UTP20: variants seen among roughly 807,000 people sequenced by gnomAD.
The protein encoded by UTP20 is small subunit processome component 20 homolog.
A neutral mutation model predicts 329.5 loss-of-function variants in UTP20; 164 were observed. That is an observed-to-expected ratio of 0.50 (90% CI 0.44 to 0.57). The LOEUF (loss-of-function observed/expected upper bound fraction) is 0.57. Ranked by LOEUF, UTP20 falls within the 20% of genes least tolerant of loss-of-function variation. The pLI, the probability that UTP20 is intolerant of heterozygous loss-of-function variation, is 0.00. For missense variants in UTP20, 3,055 were observed against 3,284.2 expected, an observed-to-expected ratio of 0.93 and a Z score of 1.71; for synonymous variants, 1,151 against 1,159.3, an observed-to-expected ratio of 0.99 and a Z score of 0.14.
In UTP20 at chr12:101,286,527, C is replaced by A; in HGVS notation, c.515+18C>A. ...ATATACAGGTAACCCCTTTCTCTCT[C>A]TAGTATGTTTTTTAATTGCCTGCTT... On this transcript the variant is annotated intron_variant, in intron 5 of 61. Transcript: ENST00000261637. 6.6e-7 allele frequency: 1 copy of A among 1,514,134 alleles called. No individual in the cohort carries two copies. Among genetic ancestry groups the A allele is most frequent in the Non-Finnish European group, 8.9e-7 (1 of 1,127,434 alleles). The allele number at this position is 1,514,134 out of a possible 1,614,324, so 93.8% of individuals were successfully genotyped here. A position where few individuals can be genotyped will look rare whatever the true frequency, so the allele number is the denominator to read the frequency against.
intron 58 of UTP20, among the ~76,000 whole-genome samples, chr12:101,381,550 G>C (rs1302236569): frequency 6.6e-6 from 1 of 151,796 alleles, no homozygotes; most frequent in Non-Finnish European, 1.5e-5. Flanking sequence ...ATAAAGAAGG[G>C]GCCTATTCTA....
chr12:101,379,607 C>A, intron 57 of UTP20, 49 bp downstream of exon 57: 2 of 1,548,712 alleles, frequency 1.3e-6, no homozygotes, highest in South Asian at 2.4e-5. Flanking sequence ...GTAAGATGTT[C>A]CTTCTGGTTC....
At position 101,334,336 on chromosome 12, in the gene UTP20, G is replaced by C; in HGVS notation, c.3562-89G>C. ...CTGTCCCTTGTCTTTTTCATCCTGT[G>C]CTGTGATTTCTGTACTTGTTAGTTA... On this transcript the variant is annotated intron_variant, in intron 28 of 61. Coordinates refer to ENST00000261637, the MANE Select transcript of UTP20 (RefSeq NM_014503.3). 3 of 1,082,496 alleles carry C rather than the reference G, an allele frequency of 2.8e-6. No homozygotes were observed. The African/African-American group carries it at 4.7e-5, about 17-fold the overall frequency. 67.1% of individuals were successfully genotyped at this position (1,082,496 alleles called of 1,614,324 possible).
chr12:101,306,204 G>A (rs1872638337), intron 16 of UTP20, 139 bp downstream of exon 16: 1 of 1,146,152 alleles, frequency 8.7e-7, no homozygotes, highest in East Asian at 2.7e-5. Context: ...CTTAAATGTT[G>A]GCCTGCAAAC....
intron 21 of UTP20, among the ~76,000 whole-genome samples, chr12:101,314,255 G>A (rs1209981139): frequency 2.6e-5 from 4 of 152,212 alleles, no homozygotes; most frequent in East Asian, 1.9e-4. Flanking sequence ...AGTCCATCAG[G>A]TGAGGAATAA....
At chr12:101,300,548 A>G (rs942009590) in intron 14 of UTP20, among the ~76,000 whole-genome samples, 4 of 152,242 alleles carry the variant, frequency 2.6e-5, no homozygotes, top group Admixed American at 6.5e-5. Context: ...GCTCAGGCAC[A>G]ACACCTCTAG....
At chr12:101,363,516 C>T (rs1869993613) in intron 44 of UTP20, 60 bp from the exon 45 acceptor site, 2 of 1,484,450 alleles carry the variant, frequency 1.3e-6, no homozygotes, top group Non-Finnish European at 1.8e-6. Context: ...TCAGTGACTG[C>T]TTATGTTGGC....
chr12:101,286,575 A>T, intron 5 of UTP20, 66 bp downstream of exon 5: 4 of 1,308,624 alleles, frequency 3.1e-6, no homozygotes, highest in South Asian at 2.0e-5. Flanking sequence ...CTTCTTTATG[A>T]CTCCAAACCA....
At chr12:101,355,815 A>G (rs1469406302) in intron 41 of UTP20, among the ~76,000 whole-genome samples, 4 of 152,028 alleles carry the variant, frequency 2.6e-5, no homozygotes, top group African/African-American at 9.7e-5. Flanking sequence ...TTGTAATACA[A>G]ATTTATATAT....
At chr12:101,285,148 TG>T (rs750672301) in intron 2 of UTP20, among the ~76,000 whole-genome samples, 1 of 152,200 alleles carries the variant, frequency 6.6e-6, no homozygotes, top group Non-Finnish European at 1.5e-5. Flanking sequence ...AAGAACTACC[TG>T]GGTCAAAGAG....
chr12:101,305,922 C>A lies in UTP20; in HGVS notation c.1789C>A (p.Pro597Thr), dbSNP rs2137247372. ...ERVKNLVLTF[P>T]LEPSVLLLTD... ...ATGAACATCTCGTTGCAGAACCTTT[C>A]CCCTGGAGCCATCTGTGTTGCTGTT... Residue 597 changes from proline to threonine, a missense_variant, in exon 16 of 62, where the codon CCC becomes ACC. Pro to Thr is a conservative substitution (Grantham distance 38). This residue lies in a region of UTP20 where 2,445 missense variants were observed against 2,575.5 expected (regional missense o/e 0.95). Coordinates refer to ENST00000261637, the MANE Select transcript of UTP20 (RefSeq NM_014503.3). 9 of 1,603,254 alleles carry A rather than the reference C, an allele frequency of 5.6e-6. No individual in the cohort carries two copies. Among genetic ancestry groups the A allele is most frequent in the Non-Finnish European group, 7.7e-6 (9 of 1,173,720 alleles).
chr12:101,363,530 T>C, intron 44 of UTP20, 46 bp from the exon 45 acceptor site: 1 of 1,562,352 alleles, frequency 6.4e-7, no homozygotes, highest in Non-Finnish European at 8.7e-7. Flanking sequence ...TGTTGGCATA[T>C]CTTGCTGAGT....
rs1872692803 is a variant in UTP20 at position 101,308,354 on chromosome 12, T to C, written c.2154+11T>C. The C allele has an allele frequency of 7.0e-7, 1 of 1,428,076 alleles. No individual in the cohort carries two copies. Among genetic ancestry groups the C allele is most frequent in the Non-Finnish European group, 9.2e-7 (1 of 1,087,034 alleles). The allele number at this position is 1,428,076 out of a possible 1,614,324, so 88.5% of individuals were successfully genotyped here. A position where few individuals can be genotyped will look rare whatever the true frequency, so the allele number is the denominator to read the frequency against. Reference sequence around the variant, plus strand: ...GGGCCGTTACAGGAGGTAAAAATAGTGTTCTTTTATTTTTCCTTTTTAATT... The same window carrying C: ...GGGCCGTTACAGGAGGTAAAAATAGCGTTCTTTTATTTTTCCTTTTTAATT... On this transcript the variant is annotated intron_variant, in intron 18 of 61. Transcript: ENST00000261637.
At chr12:101,307,355 G>A (rs1281943164) in intron 17 of UTP20, among the ~76,000 whole-genome samples, 1 of 150,724 alleles carries the variant, frequency 6.6e-6, no homozygotes, top group Non-Finnish European at 1.5e-5. Context: ...TTTTCCATAT[G>A]ATTACCTCTA....
In UTP20 at chr12:101,369,799, C is replaced by T. The variant is rs746287188; in HGVS notation, c.6463C>T (p.Leu2155=). Residue 2155 remains leucine (L), a synonymous_variant, in exon 49 of 62, where the codon CTG becomes TTG. Transcript: ENST00000261637. ...TTCCATAGAAACAAAAGCAGAGCAGCTGACAAAACACCTCTTCCTTCTGCT... is the reference window on the plus strand; with the variant it reads ...TTCCATAGAAACAAAAGCAGAGCAGTTGACAAAACACCTCTTCCTTCTGCT... ...LPSIETKAEQ[L]TKHLFLLLKD... 63 of 1,612,896 alleles carry T rather than the reference C, an allele frequency of 3.9e-5. No homozygotes were observed. The highest frequency in any genetic ancestry group is 5.0e-5 in the Non-Finnish European group (59 of 1,179,062).
At position 101,306,714 on chromosome 12, in the gene UTP20, A is replaced by G. The variant is rs369024114; in HGVS notation, c.1948A>G (p.Ile650Val). Residue 650 changes from isoleucine to valine, a missense_variant, in exon 17 of 62, where the codon ATA becomes GTA. Around this residue, in one of 3 missense-constraint regions of UTP20, gnomAD observed 2,445 missense variants for 2,575.5 expected, o/e 0.95. Coordinates refer to ENST00000261637, the MANE Select transcript of UTP20 (RefSeq NM_014503.3). The part of the protein sequence containing the change: ...TGVSKIRLLT[I>V]RILNHFDVQL... ...CTTTCTCCAGATTCGGCTTTTGACA[A>G]TAAGGATCCTAAACCATTTTGATGT... 6 of 1,605,304 alleles carry G rather than the reference A, an allele frequency of 3.7e-6. No individual in the cohort carries two copies. In the East Asian group the frequency reaches 6.7e-5, roughly 18 times the overall value.
chr12:101,345,904 T>C (rs1052273162), intron 37 of UTP20, among the ~76,000 whole-genome samples: 3 of 152,228 alleles, frequency 2.0e-5, no homozygotes. Context: ...CAGTTAATAA[T>C]AGTGTCGCTT....
At chr12:101,314,518 C>T (rs377406743) in intron 21 of UTP20, among the ~76,000 whole-genome samples, 33 of 151,874 alleles carry the variant, frequency 2.2e-4, no homozygotes, top group East Asian at 1.8e-3. Context: ...ATTAGCTAGG[C>T]GTGGTGGTGG....
intron 58 of UTP20, among the ~76,000 whole-genome samples, chr12:101,381,419 G>A (rs1593457542): frequency 1.3e-5 from 2 of 152,168 alleles, no homozygotes; most frequent in Middle Eastern, 3.4e-3. Flanking sequence ...CCTGTAATCC[G>A]AGCTACTTGG....
Sources: gnomAD v4.1 joint callset for allele counts (sites outside exome capture counted in the v4.1 genomes callset) on GRCh38, gnomAD v4.1.1 for gene constraint, gnomAD v4.1.1 regional missense constraint, MANE v1.5 for transcripts, NCBI Gene and HGNC (gene_info 2026-07-23, HGNC 2026-07-21) for gene names.